Variants in CLASP2 observed in about 807,000 individuals in gnomAD.
CLASP2 encodes the protein cytoplasmic linker associated protein 2.
CLASP2 carries 47 observed loss-of-function variants against 194.4 expected under a neutral mutation model. That is an observed-to-expected ratio of 0.24 (90% confidence interval 0.19 to 0.31). The LOEUF (loss-of-function observed/expected upper bound fraction) is 0.31. Among genes scored for constraint, CLASP2 ranks in the 10% least tolerant of loss-of-function variants. CLASP2 has a pLI of 1.00. For synonymous variants in CLASP2, 619 were observed against 633.5 expected (o/e 0.98, Z 0.34); for missense variants, 1,445 against 1,823.6 (o/e 0.79, Z 3.78).
At chr3:33,626,877 A>C in intron 10 of CLASP2, 111 bp downstream of exon 10, 2 of 625,978 alleles carry the variant, frequency 3.2e-6, no homozygotes. Context: ...TACCTATCAG[A>C]CTCTCTATTT....
chr3:33,558,466 G>T (rs1362091295), intron 29 of CLASP2: 1 of 151,612 alleles, frequency 6.6e-6, no homozygotes, highest in Non-Finnish European at 1.5e-5. Flanking sequence ...AAGCACATAT[G>T]CTTGTTATTT....
chr3:33,533,614 T>G (rs1351116040), intron 34 of CLASP2, among the ~76,000 whole-genome samples: 2 of 152,244 alleles, frequency 1.3e-5, no homozygotes, highest in East Asian at 3.8e-4. Flanking sequence ...ACTAGCCAAC[T>G]ATTCTGAGAT....
At chr3:33,619,485 C>A in intron 12 of CLASP2, 118 bp downstream of exon 12, 1 of 907,968 alleles carries the variant, frequency 1.1e-6, no homozygotes, top group Non-Finnish European at 1.6e-6. Flanking sequence ...CAAAAAGAAA[C>A]TCCATGACTT....
At chr3:33,616,734 CTTTTTTTTTTTT>C (rs958911625) in intron 12 of CLASP2, among the ~76,000 whole-genome samples, 5 of 95,356 alleles carry the variant, frequency 5.2e-5, no homozygotes. Flanking sequence ...ACTATACTTC[CTTTTTTTTTTTT>C]TTTTTTTTTT....
chr3:33,538,797 C>T lies in CLASP2; in HGVS notation c.3550G>A (p.Gly1184Ser), dbSNP rs762622458. The T allele has an allele frequency of 8.9e-6, 14 of 1,579,828 alleles. No homozygotes were observed. The highest frequency in any genetic ancestry group is 3.6e-5 in the South Asian group (3 of 83,420). Reference protein sequence around the residue: ...PLKRDSKKDDGDSMCGGPGMS... With the variant: ...PLKRDSKKDDSDSMCGGPGMS... ...GATATTAAAATACTTACTGAATCGC[C>T]ATCATCTTTTTTAGAATCCCTTTTC... is the stretch of plus-strand genomic sequence containing the variant. The change falls in exon 33 of 39, where the codon GGC becomes AGC. Residue 1184 changes from glycine (G) to serine (S), a missense_variant. Transcript: ENST00000682230.
chr3:33,704,459 A>G (rs2092568499), intron 1 of CLASP2, among the ~76,000 whole-genome samples: 2 of 152,148 alleles, frequency 1.3e-5, no homozygotes, highest in African/African-American at 4.8e-5. Context: ...CAAATAAGAT[A>G]TACAAATGGC....
chr3:33,527,335 C>A (rs1343261302), intron 34 of CLASP2, among the ~76,000 whole-genome samples: 1 of 152,156 alleles, frequency 6.6e-6, no homozygotes, highest in African/African-American at 2.4e-5. Context: ...ACTACGAACA[C>A]CTCTATGCAT....
At chr3:33,534,327 T>G (rs985694855) in intron 34 of CLASP2, among the ~76,000 whole-genome samples, 2 of 152,098 alleles carry the variant, frequency 1.3e-5, no homozygotes, top group African/African-American at 4.8e-5. Context: ...TTTGAGAGGT[T>G]GAGGTGGGAG....
At chr3:33,588,768 A>T (rs542675353) in intron 21 of CLASP2, 1 of 701,594 alleles carries the variant, frequency 1.4e-6, no homozygotes, top group Non-Finnish European at 2.6e-6. Context: ...GGTAAGGATT[A>T]TAATCCATGA....
intron 25 of CLASP2, among the ~76,000 whole-genome samples, chr3:33,572,306 T>C (rs1452293033): frequency 6.6e-6 from 1 of 152,206 alleles, no homozygotes; most frequent in Non-Finnish European, 1.5e-5. Flanking sequence ...TGGATTGCAA[T>C]GATTCATGAC....
chr3:33,527,006 A>G (rs1031750938), intron 34 of CLASP2, among the ~76,000 whole-genome samples: 2 of 152,214 alleles, frequency 1.3e-5, no homozygotes, highest in Admixed American at 6.5e-5. Context: ...TCATAGCACT[A>G]AATGCCAACA....
At chr3:33,556,211 A>T (rs1386912613) in intron 29 of CLASP2, among the ~76,000 whole-genome samples, 1 of 152,178 alleles carries the variant, frequency 6.6e-6, no homozygotes, top group African/African-American at 2.4e-5. Context: ...AGAGATGTAA[A>T]ATTTTATATA....
At chr3:33,563,469 C>T (rs2062121486) in intron 27 of CLASP2, among the ~76,000 whole-genome samples, 1 of 152,198 alleles carries the variant, frequency 6.6e-6, no homozygotes, top group Admixed American at 6.5e-5. Flanking sequence ...GACCTCAGGT[C>T]TGGATTTCTG....
intron 2 of CLASP2, among the ~76,000 whole-genome samples, chr3:33,695,756 A>G (rs2091828428): frequency 2.6e-5 from 4 of 152,324 alleles, no homozygotes; most frequent in Admixed American, 2.6e-4. Context: ...CCTGGGTAAC[A>G]TAACAACACC....
chr3:33,514,935 T>C (rs769079125), intron 36 of CLASP2, among the ~76,000 whole-genome samples: 12 of 152,124 alleles, frequency 7.9e-5, no homozygotes, highest in South Asian at 2.1e-4. Context: ...CTGGATGGAA[T>C]TGGCGATCTT....
intron 9 of CLASP2, among the ~76,000 whole-genome samples, chr3:33,630,762 C>T (rs1289630560): frequency 3.9e-5 from 6 of 152,076 alleles, no homozygotes; most frequent in African/African-American, 1.4e-4. Flanking sequence ...ATAGCTTTTT[C>T]CCCTCCGTAT....
intron 7 of CLASP2, chr3:33,645,226 A>G: frequency 1.3e-6 from 1 of 764,484 alleles, no homozygotes; most frequent in African/African-American, 1.7e-5. Context: ...CTCCTCCCAT[A>G]GTGTATCTTC....
At chr3:33,601,125 G>GT (rs1199217585) in intron 18 of CLASP2, among the ~76,000 whole-genome samples, 3 of 151,270 alleles carry the variant, frequency 2.0e-5, no homozygotes, top group East Asian at 1.9e-4. Flanking sequence ...CGCCCGGCTA[G>GT]TTTTTTTTGT....
At chr3:33,706,530 T>G (rs1385207616) in intron 1 of CLASP2, among the ~76,000 whole-genome samples, 1 of 152,090 alleles carries the variant, frequency 6.6e-6, no homozygotes, top group African/African-American at 2.4e-5. Flanking sequence ...CTCTGAAAAA[T>G]ACAGTTAACA....
Sources: gnomAD v4.1 joint callset for allele counts (sites outside exome capture counted in the v4.1 genomes callset) on GRCh38, gnomAD v4.1.1 for gene constraint, MANE v1.5 for transcripts, NCBI Gene and HGNC (gene_info 2026-07-23, HGNC 2026-07-21) for gene names.